The following ECRG4 variants were observed in gnomAD, a reference collection of about 807,000 sequenced individuals.
ECRG4 encodes ECRG4 augurin precursor.
ECRG4 carries 18 observed loss-of-function variants against 15.8 expected under a neutral mutation model. The ratio of observed to expected loss-of-function variants is 1.14; its 90% confidence interval spans 0.79 to 1.69. The LOEUF is 1.69. Among genes scored for constraint, ECRG4 ranks in the 40% most tolerant of loss-of-function variants. The pLI is 0.00. For missense variants in ECRG4, 200 were observed against 190.9 expected (o/e 1.05, Z -0.28); for synonymous variants, 82 against 73.9 (o/e 1.11, Z -0.56).
At chr2:106,071,620 C>T (rs566547627) in intron 1 of ECRG4, among the ~76,000 whole-genome samples, 1 of 152,270 alleles carries the variant, frequency 6.6e-6, no homozygotes, top group African/African-American at 2.4e-5. Flanking sequence ...AATAGTAATA[C>T]CCTTGGTCGG....
intron 1 of ECRG4, among the ~76,000 whole-genome samples, chr2:106,070,607 G>T (rs1361785481): frequency 6.6e-6 from 1 of 152,160 alleles, no homozygotes; most frequent in Non-Finnish European, 1.5e-5. Flanking sequence ...TTGTGCAGAG[G>T]TTCTCTTTTA....
chr2:106,073,880 T>C lies in ECRG4; in HGVS notation c.128-6T>C, dbSNP rs764530343. 6.2e-7 allele frequency: 1 copy of C among 1,613,856 alleles called. No individual in the cohort carries two copies. Among genetic ancestry groups the C allele is most frequent in the East Asian group, 2.2e-5 (1 of 44,880 alleles). On this transcript the variant is annotated splice_region_variant and splice_polypyrimidine_tract_variant and intron_variant, in intron 2 of 3. Transcript: ENST00000238044. Reference sequence around the variant, plus strand: ...TGCTTTGGGGATGGGGAATTGATGATTTCAGCACCTGTTCCAACTAAGACT... The same window carrying C: ...TGCTTTGGGGATGGGGAATTGATGACTTCAGCACCTGTTCCAACTAAGACT...
In ECRG4 at chr2:106,068,001, A is replaced by ATT. The variant is rs66604408; in HGVS notation, c.79+2169_79+2170dup. Among the ~76,000 whole-genome samples, 463 of 146,480 alleles carry ATT rather than the reference A, an allele frequency of 3.2e-3. 3 individuals are homozygous for ATT. Among genetic ancestry groups the ATT allele is most frequent in the African/African-American group, 5.3e-3 (210 of 39,976 alleles). ...AGGTGTGTTGACTCCACGCCTGGCA[A>ATT]TTTTTTTTTTTTCTTTTAATTTTTA... On this transcript the variant is annotated intron_variant, in intron 1 of 3. Coordinates refer to ENST00000238044, the MANE Select transcript of ECRG4 (RefSeq NM_032411.3).
At chr2:106,074,735 C>T (rs954876552) in intron 3 of ECRG4, among the ~76,000 whole-genome samples, 3 of 152,182 alleles carry the variant, frequency 2.0e-5, no homozygotes, top group Non-Finnish European at 2.9e-5. Flanking sequence ...CTGTGTGAGA[C>T]GTAAAGGGAG....
chr2:106,077,945 T>G lies in ECRG4; in HGVS notation c.*19T>G, dbSNP rs774472949. On this transcript the variant is annotated 3_prime_UTR_variant, in exon 4 of 4. Transcript: ENST00000238044. ...CTACTAACCATGACTTGCCACACGC[T>G]GTACAAGAAGCAAATAGCGATTCTC... is the stretch of plus-strand genomic sequence containing the variant. 1 of 1,610,862 alleles carries G rather than the reference T, an allele frequency of 6.2e-7. No individual in the cohort carries two copies. The highest frequency in any genetic ancestry group is 8.5e-7 in the Non-Finnish European group (1 of 1,178,546).
upstream of ECRG4, among the ~76,000 whole-genome samples, chr2:106,064,675 C>A (rs1398072315): frequency 6.6e-6 from 1 of 152,118 alleles, no homozygotes; most frequent in Non-Finnish European, 1.5e-5. Context: ...GAAACTCCGT[C>A]TCAGGGAGGG....
At chr2:106,077,522 A>G (rs932855013) in intron 3 of ECRG4, among the ~76,000 whole-genome samples, 1 of 152,186 alleles carries the variant, frequency 6.6e-6, no homozygotes, top group Non-Finnish European at 1.5e-5. Flanking sequence ...CACTTAGCAA[A>G]TATTTTACAA....
In ECRG4 at chr2:106,074,058, C is replaced by T. The variant is rs374241277; in HGVS notation, c.285+15C>T. ...TTGACGAAGCGGTAGGTGTTGCCTC[C>T]GGCTGCAGGCCTGGCTTCCACAGGG... On this transcript the variant is annotated intron_variant, in intron 3 of 3. Coordinates refer to ENST00000238044, the MANE Select transcript of ECRG4 (RefSeq NM_032411.3). 2.6e-5 allele frequency: 42 copies of T among 1,609,008 alleles called. No individual in the cohort carries two copies. Among genetic ancestry groups the T allele is most frequent in the East Asian group, 4.5e-5 (2 of 44,784 alleles).
rs190568883 is a variant in ECRG4 at position 106,077,939 on chromosome 2, A to G, written c.*13A>G. The G allele has an allele frequency of 5.6e-6, 9 of 1,612,470 alleles. No individual in the cohort carries two copies. In the Admixed American group the frequency reaches 8.4e-5, roughly 15 times the overall value. ...CGATGACTACTAACCATGACTTGCC[A>G]CACGCTGTACAAGAAGCAAATAGCG... On this transcript the variant is annotated 3_prime_UTR_variant, in exon 4 of 4. Coordinates refer to ENST00000238044, the MANE Select transcript of ECRG4 (RefSeq NM_032411.3).
Position 106,073,929 on chromosome 2 carries a change from A to T in ECRG4, c.171A>T (p.Lys57Asn), listed in dbSNP as rs910869029. Residue 57 changes from lysine to asparagine, a missense_variant, in exon 3 of 4, where the codon AAA becomes AAT. Coordinates refer to ENST00000238044, the MANE Select transcript of ECRG4 (RefSeq NM_032411.3). ...CTAAAGTGGCCGTTGATGAGAATAA[A>T]GCCAAAGAATTCCTTGGCAGCCTGA... ...TKTKVAVDEN[K>N]AKEFLGSLKR... 2.5e-6 allele frequency: 4 copies of T among 1,614,138 alleles called. No individual in the cohort carries two copies. In the African/African-American group the frequency reaches 5.3e-5, roughly 22 times the overall value.
At chr2:106,063,920 T>C (rs1026426169), upstream of ECRG4, among the ~76,000 whole-genome samples, 1 of 152,214 alleles carries the variant, frequency 6.6e-6, no homozygotes, top group Non-Finnish European at 1.5e-5. Flanking sequence ...TAGAAGTAGA[T>C]ATTGGTAGCA....
chr2:106,065,664 C>T, upstream of ECRG4: 1 of 908,766 alleles, frequency 1.1e-6, no homozygotes, highest in Non-Finnish European at 1.5e-6. Context: ...CAGGGATAAC[C>T]CGCGGCCGCG....
chr2:106,073,649 T>C (rs985056768), intron 2 of ECRG4, among the ~76,000 whole-genome samples: 1 of 152,024 alleles, frequency 6.6e-6, no homozygotes, highest in Non-Finnish European at 1.5e-5. Context: ...GACCTAGAGG[T>C]TGAAGTTTAG....
At chr2:106,076,267 G>A (rs1676484475) in intron 3 of ECRG4, among the ~76,000 whole-genome samples, 1 of 152,198 alleles carries the variant, frequency 6.6e-6, no homozygotes, top group South Asian at 2.1e-4. Flanking sequence ...CTTGCAGTGA[G>A]CTGAGATCAT....
At chr2:106,071,159 A>T (rs183286506) in intron 1 of ECRG4, among the ~76,000 whole-genome samples, 230 of 152,100 alleles carry the variant, frequency 1.5e-3, no homozygotes, top group African/African-American at 5.1e-3. Flanking sequence ...CAAGTTCCCC[A>T]GTGTGTGGGA....
chr2:106,071,565 A>G (rs111665478), intron 1 of ECRG4, among the ~76,000 whole-genome samples: 1 of 152,186 alleles, frequency 6.6e-6, no homozygotes, highest in Admixed American at 6.5e-5. Context: ...TGCGCCTCGT[A>G]GTAAGACACA....
intron 1 of ECRG4, among the ~76,000 whole-genome samples, chr2:106,070,188 T>C (rs1676331470): frequency 6.6e-6 from 1 of 152,178 alleles, no homozygotes; most frequent in Admixed American, 6.5e-5. Context: ...GGAGGCACTA[T>C]CATTAATTTA....
chr2:106,072,489 T>A (rs1365759640), intron 2 of ECRG4: 1 of 152,242 alleles, frequency 6.6e-6, no homozygotes, highest in Non-Finnish European at 1.5e-5. Flanking sequence ...CTCCCAACTT[T>A]CATCTCTATC....
At chr2:106,063,842 A>G (rs1305643309), upstream of ECRG4, among the ~76,000 whole-genome samples, 1 of 152,220 alleles carries the variant, frequency 6.6e-6, no homozygotes, top group Non-Finnish European at 1.5e-5. Context: ...TCAGCCTCCC[A>G]AAGTGCTGGG....
Sources: gnomAD v4.1 joint callset for allele counts (sites outside exome capture counted in the v4.1 genomes callset) on GRCh38, gnomAD v4.1.1 for gene constraint, MANE v1.5 for transcripts, NCBI Gene and HGNC (gene_info 2026-07-23, HGNC 2026-07-21) for gene names.